KLRC1: variants seen among roughly 807,000 people sequenced by gnomAD.
The protein encoded by KLRC1 is killer cell lectin like receptor C1.
KLRC1 carries 22 observed loss-of-function variants against 25.9 expected under a neutral mutation model. The observed-to-expected ratio is 0.85, with a 90% CI of 0.61 to 1.21. The LOEUF is 1.21. Ranked by LOEUF, KLRC1 falls within the 50% of genes most tolerant of loss-of-function variation. The pLI is 0.00. For missense variants in KLRC1, 240 were observed against 272.2 expected, an observed-to-expected ratio of 0.88 and a Z score of 0.83; for synonymous variants, 77 against 93.1, an observed-to-expected ratio of 0.83 and a Z score of 0.99.
At chr12:10,450,613 AGAGGTG>A (rs1864102900) in intron 2 of KLRC1, 34 bp from the exon 3 acceptor site, 1 of 1,300,242 alleles carries the variant, frequency 7.7e-7, no homozygotes, top group African/African-American at 1.5e-5. Flanking sequence ...GTGCGAAAGG[AGAGGTG>A]GATACAGTCG....
intron 6 of KLRC1, 23 bp downstream of exon 6, chr12:10,447,509 T>G: frequency 6.6e-7 from 1 of 1,525,962 alleles, no homozygotes; most frequent in Non-Finnish European, 9.0e-7. Context: ...TATTGTTATA[T>G]AGCGCCATAC....
At position 10,449,986 on chromosome 12, in the gene KLRC1, T is replaced by C; in HGVS notation, c.284-19A>G. 2 of 1,443,680 alleles carry C rather than the reference T, an allele frequency of 1.4e-6. No homozygotes were observed. Among genetic ancestry groups the C allele is most frequent in the Non-Finnish European group, 1.8e-6 (2 of 1,088,538 alleles). The allele number at this position is 1,443,680 out of a possible 1,614,324, so 89.4% of individuals were successfully genotyped here. On this transcript the variant is annotated intron_variant, in intron 3 of 6. Transcript: ENST00000359151. Reference sequence around the variant, plus strand: ...AATGTAGCTAGAAAAATTAAAGTAATCTTTGTAAAAAAATTAGCATCTAAA... The same window carrying C: ...AATGTAGCTAGAAAAATTAAAGTAACCTTTGTAAAAAAATTAGCATCTAAA...
downstream of KLRC1, among the ~76,000 whole-genome samples, chr12:10,444,560 T>C (rs1444485271): frequency 6.6e-6 from 1 of 152,236 alleles, no homozygotes; most frequent in African/African-American, 2.4e-5. Flanking sequence ...TTTCATTACA[T>C]TTTAATGTCT....
At chr12:10,451,253 A>C (rs1441814192) in intron 1 of KLRC1, 66 bp from the exon 2 acceptor site, 7 of 909,334 alleles carry the variant, frequency 7.7e-6, no homozygotes, top group Non-Finnish European at 1.1e-5. Flanking sequence ...TGCAATTAAA[A>C]GGGTGAGGTG....
chr12:10,446,003 A>G (rs903945119), downstream of KLRC1: 3 of 151,664 alleles, frequency 2.0e-5, no homozygotes, highest in Admixed American at 2.0e-4. Flanking sequence ...GAATAAATGC[A>G]GTCACAAATA....
chr12:10,454,603 C>T (rs886351469), upstream of KLRC1: 9 of 985,150 alleles, frequency 9.1e-6, no homozygotes, highest in African/African-American at 1.4e-4. Flanking sequence ...TACATCTGTA[C>T]CTCTGGGGCA....
chr12:10,443,344 T>G (rs553672446), downstream of KLRC1, among the ~76,000 whole-genome samples: 3 of 140,428 alleles, frequency 2.1e-5, no homozygotes, highest in South Asian at 6.7e-4. Context: ...ATAAAATATT[T>G]AACAACATAT....
At chr12:10,444,778 A>G (rs1393784093), downstream of KLRC1, among the ~76,000 whole-genome samples, 1 of 152,146 alleles carries the variant, frequency 6.6e-6, no homozygotes, top group African/African-American at 2.4e-5. Flanking sequence ...GTTATAGAAA[A>G]AGAGAAATTC....
In KLRC1 at chr12:10,446,620, T is replaced by A. The variant is rs568051460; in HGVS notation, c.633A>T (p.Leu211=). 2.2e-5 allele frequency: 36 copies of A among 1,613,874 alleles called. No individual in the cohort carries two copies. Among genetic ancestry groups the A allele is most frequent in the Non-Finnish European group, 3.1e-5 (36 of 1,179,916 alleles). ...SDNAELNCAV[L]QVNRLKSAQC... is the part of the protein sequence containing the mutation. ...GGGCTGATTTAAGTCGATTTACTTG[T>A]AGCACTGCACAGTTAAGTTCAGCAT... Residue 211 remains leucine (L), a synonymous_variant, in exon 7 of 7, where the codon CTA becomes CTT. Transcript: ENST00000359151.
downstream of KLRC1, among the ~76,000 whole-genome samples, chr12:10,443,217 G>A (rs1168051900): frequency 1.4e-5 from 2 of 141,424 alleles, no homozygotes; most frequent in East Asian, 4.2e-4. Flanking sequence ...TTTACATGAT[G>A]TCATTATTAT....
At chr12:10,450,022 TAATTTTAAG>T in intron 3 of KLRC1, 55 bp from the exon 4 acceptor site, 3 of 1,234,028 alleles carry the variant, frequency 2.4e-6, no homozygotes, top group Non-Finnish European at 3.2e-6. Context: ...TCAATCATAA[TAATTTTAAG>T]TTTTTGTTTG....
Position 10,450,541 on chromosome 12 carries a change from G to A in KLRC1, c.226C>T (p.Leu76=), listed in dbSNP as rs1458769206. The A allele has an allele frequency of 6.2e-7, 1 of 1,611,740 alleles. No homozygotes were observed. The highest frequency in any genetic ancestry group is 8.5e-7 in the Non-Finnish European group (1 of 1,178,040). Residue 76 remains leucine (L), a synonymous_variant, in exon 3 of 7, where the codon CTG becomes TTG. Coordinates refer to ENST00000359151, the MANE Select transcript of KLRC1 (RefSeq NM_002259.5). ...ATTAAGATAAGACAGATAATTCCCA[G>A]GATCCCAACAATGAGCTTCTCTGGA... ...SAPEKLIVGI[L]GIICLILMAS...
chr12:10,447,506 A>C (rs1277450858), intron 6 of KLRC1, 26 bp downstream of exon 6: 1 of 1,499,692 alleles, frequency 6.7e-7, no homozygotes, highest in Non-Finnish European at 9.2e-7. Context: ...ATATATTGTT[A>C]TATAGCGCCA....
chr12:10,445,371 T>C (rs940324327), downstream of KLRC1, among the ~76,000 whole-genome samples: 7 of 132,670 alleles, frequency 5.3e-5, no homozygotes, highest in African/African-American at 1.8e-4. Context: ...TTAATAAAAA[T>C]GTTACAATTG....
At chr12:10,450,883 T>C (rs1008910612) in intron 2 of KLRC1, 87 bp downstream of exon 2, 11 of 952,276 alleles carry the variant, frequency 1.2e-5, no homozygotes, top group Non-Finnish European at 1.6e-5. Context: ...AGAAGATATA[T>C]GAGCACTCCC....
intron 1 of KLRC1, among the ~76,000 whole-genome samples, chr12:10,452,065 T>C (rs1864138024): frequency 6.6e-6 from 1 of 151,878 alleles, no homozygotes; most frequent in Non-Finnish European, 1.5e-5. Flanking sequence ...ATTAAATATT[T>C]GTATATGACA....
rs1864068213 is a variant in KLRC1, at chr12:10,449,222, A to G, written c.489+15T>C. The G allele has an allele frequency of 1.2e-6, 2 of 1,613,530 alleles. No individual in the cohort carries two copies. Among genetic ancestry groups the G allele is most frequent in the Admixed American group, 1.7e-5 (1 of 59,994 alleles). On this transcript the variant is annotated intron_variant, in intron 5 of 6. Coordinates refer to ENST00000359151, the MANE Select transcript of KLRC1 (RefSeq NM_002259.5). ...AGAAGCTTTTCATAAAGTGTTTAAA[A>G]CATTTACATCTTACCATTTCTTCTT...
chr12:10,452,499 G>A lies in KLRC1; in HGVS notation c.-32+699C>T, dbSNP rs138388320. Among the ~76,000 whole-genome samples the A allele has an allele frequency of 2.6e-5, 4 of 152,112 alleles. No individual in the cohort carries two copies. In the East Asian group the frequency reaches 5.8e-4, roughly 22 times the overall value. ...AAATGGGCATAAGAACATATAAAAC[G>A]TTGCATGTAAAACATTTACCACTCA... On this transcript the variant is annotated intron_variant, in intron 1 of 6. Coordinates refer to ENST00000359151, the MANE Select transcript of KLRC1 (RefSeq NM_002259.5).
At chr12:10,447,382 T>C in intron 6 of KLRC1, 150 bp downstream of exon 6, 1 of 674,596 alleles carries the variant, frequency 1.5e-6, no homozygotes. Context: ...TGGACTACTA[T>C]GGTCTATTGT....
Sources: gnomAD v4.1 joint callset for allele counts (sites outside exome capture counted in the v4.1 genomes callset) on GRCh38, gnomAD v4.1.1 for gene constraint, MANE v1.5 for transcripts, NCBI Gene and HGNC (gene_info 2026-07-23, HGNC 2026-07-21) for gene names.